The following RAPGEF6 variants were observed in gnomAD, a reference collection of about 807,000 sequenced individuals.
RAPGEF6 encodes the protein Rap guanine nucleotide exchange factor 6.
A neutral mutation model predicts 171.4 loss-of-function variants in RAPGEF6; 56 were observed. The ratio of observed to expected loss-of-function variants is 0.33; its 90% CI spans 0.26 to 0.41. The LOEUF (loss-of-function observed/expected upper bound fraction) is 0.41, where lower values mean the gene tolerates loss of function less well. Among genes scored for constraint, RAPGEF6 ranks in the 10% least tolerant of loss-of-function variants. The pLI is 1.00. For missense variants in RAPGEF6, 1,674 were observed against 1,921.4 expected (o/e 0.87, Z 2.41); for synonymous variants, 692 against 650.1 (o/e 1.06, Z -0.98).
chr5:131,519,179 C>T (rs1410766609), intron 7 of RAPGEF6, among the ~76,000 whole-genome samples: 2 of 152,174 alleles, frequency 1.3e-5, no homozygotes, highest in Admixed American at 1.3e-4. Flanking sequence ...TCAGGTTGTC[C>T]AGCTAAAAGG....
At chr5:131,597,981 T>C (rs1049252348) in intron 3 of RAPGEF6, among the ~76,000 whole-genome samples, 2 of 152,102 alleles carry the variant, frequency 1.3e-5, no homozygotes, top group African/African-American at 2.4e-5. Context: ...TCCATAAATA[T>C]ACACAACTAT....
At chr5:131,599,569 G>C (rs895841485) in intron 3 of RAPGEF6, among the ~76,000 whole-genome samples, 1 of 152,142 alleles carries the variant, frequency 6.6e-6, no homozygotes, top group African/African-American at 2.4e-5. Flanking sequence ...TGCAGCGCAA[G>C]AGAGAAAAAG....
At chr5:131,487,045 T>C (rs1159171140) in intron 15 of RAPGEF6, among the ~76,000 whole-genome samples, 1 of 152,148 alleles carries the variant, frequency 6.6e-6, no homozygotes, top group African/African-American at 2.4e-5. Flanking sequence ...GTTGGTTCCT[T>C]CCGGTGGGTT....
At chr5:131,593,228 CA>C (rs35130888) in intron 3 of RAPGEF6, among the ~76,000 whole-genome samples, 95,306 of 151,900 alleles carry the variant, frequency 0.63, 31,959 homozygotes, top group Non-Finnish European at 0.77. Context: ...ACCCTTTTTC[CA>C]AATCAATATA....
Position 131,498,600 on chromosome 5 carries a change from G to C in RAPGEF6, c.1262C>G (p.Pro421Arg), listed in dbSNP as rs1756798726. The C allele has an allele frequency of 6.2e-7, 1 of 1,612,444 alleles. No homozygotes were observed. Among genetic ancestry groups the C allele is most frequent in the Non-Finnish European group, 8.5e-7 (1 of 1,179,450 alleles). The change falls in exon 12 of 28, where the codon CCT becomes CGT. Residue 421 changes from proline to arginine, a missense_variant. This residue lies in a region of RAPGEF6 where 1,116 missense variants were observed against 1,321.5 expected (regional missense o/e 0.84). Coordinates refer to ENST00000509018, the MANE Select transcript of RAPGEF6 (RefSeq NM_016340.6). ...TATTAAATGCATTATGAGACGCTCA[G>C]GTGTTGCCTAAAAATCCAAGGATAG... ...RKGHIVIKAT[P>R]ERLIMHLIEE...
In RAPGEF6 at chr5:131,433,558, G is replaced by A. The variant is rs1204774029; in HGVS notation, c.3846C>T (p.Asp1282=). The part of the protein sequence containing the change: ...RSSIVSNCSV[D]SMSAALQDER... ...CATCCTGTAGAGCTGCAGACATGGA[G>A]TCAACAGAACAATTGCTCACGATGC... Residue 1282 remains aspartate, a synonymous_variant, in exon 25 of 28, where the codon GAC becomes GAT. Coordinates refer to ENST00000509018, the MANE Select transcript of RAPGEF6 (RefSeq NM_016340.6). 5.6e-6 allele frequency: 9 copies of A among 1,613,304 alleles called. No individual in the cohort carries two copies. Among genetic ancestry groups the A allele is most frequent in the Non-Finnish European group, 7.6e-6 (9 of 1,179,356 alleles).
intron 10 of RAPGEF6, among the ~76,000 whole-genome samples, 154 bp downstream of exon 10, chr5:131,505,210 T>C (rs1757295891): frequency 6.6e-6 from 1 of 152,182 alleles, no homozygotes; most frequent in Non-Finnish European, 1.5e-5. Flanking sequence ...CCACAAATAT[T>C]TGAGGCAGAT....
intron 1 of RAPGEF6, among the ~76,000 whole-genome samples, chr5:131,615,685 AG>A (rs1483790309): frequency 1.2e-4 from 18 of 152,246 alleles, no homozygotes; most frequent in Non-Finnish European, 2.9e-5. Flanking sequence ...GGATTACTTG[AG>A]GTAAGGAGTT....
chr5:131,613,865 G>C (rs1765097619), intron 1 of RAPGEF6, among the ~76,000 whole-genome samples: 1 of 152,074 alleles, frequency 6.6e-6, no homozygotes, highest in African/African-American at 2.4e-5. Flanking sequence ...TTACCAATTA[G>C]ACATATTCAT....
intron 1 of RAPGEF6, among the ~76,000 whole-genome samples, chr5:131,607,726 A>T (rs1764694818): frequency 5.3e-5 from 8 of 152,140 alleles, no homozygotes; most frequent in Admixed American, 5.2e-4. Flanking sequence ...GGCTCCAGAA[A>T]ATGGGAGATA....
chr5:131,586,663 T>C (rs1396704638), intron 4 of RAPGEF6, among the ~76,000 whole-genome samples: 1 of 152,138 alleles, frequency 6.6e-6, no homozygotes, highest in African/African-American at 2.4e-5. Context: ...GAAAATGTAT[T>C]CATCGGCAGT....
At chr5:131,487,096 A>G (rs1457947009) in intron 15 of RAPGEF6, among the ~76,000 whole-genome samples, 3 of 151,752 alleles carry the variant, frequency 2.0e-5, no homozygotes, top group Non-Finnish European at 4.4e-5. Flanking sequence ...GCAGACCTTC[A>G]CGGTTGAGTG....
chr5:131,530,654 G>A (rs1447219483), intron 6 of RAPGEF6, among the ~76,000 whole-genome samples: 1 of 152,176 alleles, frequency 6.6e-6, no homozygotes, highest in African/African-American at 2.4e-5. Context: ...ACACAGTAGA[G>A]TACCAATCCA....
intron 6 of RAPGEF6, among the ~76,000 whole-genome samples, chr5:131,531,365 AATTACAGACT>A (rs1759357906): frequency 6.6e-6 from 1 of 152,232 alleles, no homozygotes; most frequent in African/African-American, 2.4e-5. Flanking sequence ...AGTGGCATCA[AATTACAGACT>A]ATATAAATAG....
chr5:131,593,834 C>T (rs557177727), intron 3 of RAPGEF6, among the ~76,000 whole-genome samples: 45 of 152,180 alleles, frequency 3.0e-4, no homozygotes, highest in African/African-American at 9.4e-4. Flanking sequence ...TAAAAGTGTA[C>T]GTTCATATGC....
chr5:131,618,332 T>C (rs1211374339), intron 1 of RAPGEF6, among the ~76,000 whole-genome samples: 2 of 151,976 alleles, frequency 1.3e-5, no homozygotes, highest in Non-Finnish European at 2.9e-5. Context: ...AAAAGAAATA[T>C]AGAATCAGAA....
intron 11 of RAPGEF6, among the ~76,000 whole-genome samples, chr5:131,499,581 C>CAAAAAAA (rs375534138): frequency 1.3e-4 from 11 of 87,556 alleles, no homozygotes; most frequent in South Asian, 4.8e-4. Flanking sequence ...GACTTTGTCT[C>CAAAAAAA]AAAAAAAAAA....
intron 9 of RAPGEF6, among the ~76,000 whole-genome samples, 187 bp downstream of exon 9, chr5:131,507,884 T>A (rs968521282): frequency 6.6e-6 from 1 of 152,172 alleles, no homozygotes; most frequent in Non-Finnish European, 1.5e-5. Context: ...AATTTAAAAT[T>A]AGGGCAAAGC....
chr5:131,523,279 C>CTT (rs1171953953), intron 6 of RAPGEF6, among the ~76,000 whole-genome samples: 3,158 of 66,352 alleles, frequency 0.048, 274 homozygotes, highest in African/African-American at 0.15. Context: ...CTGTTGTATG[C>CTT]TTTTTTTTTT....
Sources: gnomAD v4.1 joint callset for allele counts (sites outside exome capture counted in the v4.1 genomes callset) on GRCh38, gnomAD v4.1.1 for gene constraint, gnomAD v4.1.1 regional missense constraint, MANE v1.5 for transcripts, NCBI Gene and HGNC (gene_info 2026-07-23, HGNC 2026-07-21) for gene names.